The following COL25A1 variants were observed in gnomAD, a reference collection of about 807,000 sequenced individuals.
COL25A1 encodes collagen type XXV alpha 1 chain.
In COL25A1, 103 loss-of-function variants were observed where a neutral mutation model predicts 128.4. The ratio of observed to expected loss-of-function variants is 0.80; its 90% confidence interval spans 0.68 to 0.94. The LOEUF is 0.94. Ranked by LOEUF, COL25A1 falls within the 40% of genes least tolerant of loss-of-function variation. The pLI, the probability that COL25A1 is intolerant of heterozygous loss-of-function variation, is 0.00. For missense variants in COL25A1, 745 were observed against 840.0 expected (o/e 0.89, Z 1.40); for synonymous variants, 279 against 277.2 (o/e 1.01, Z -0.06).
At chr4:108,869,067 G>T in intron 20 of COL25A1, 21 bp downstream of exon 20, 1 of 1,496,642 alleles carries the variant, frequency 6.7e-7, no homozygotes, top group Non-Finnish European at 9.2e-7. Context: ...AAGAAAGAAG[G>T]AAAGAAAGAG....
chr4:109,154,136 T>C (rs943071532), intron 3 of COL25A1, among the ~76,000 whole-genome samples: 4 of 152,258 alleles, frequency 2.6e-5, no homozygotes, highest in African/African-American at 9.6e-5. Flanking sequence ...AAACATCCTT[T>C]ATGATTATCA....
chr4:109,023,728 G>A (rs1248116819), intron 5 of COL25A1, among the ~76,000 whole-genome samples: 3 of 152,152 alleles, frequency 2.0e-5, no homozygotes, highest in South Asian at 2.1e-4. Context: ...ATTCACAAGC[G>A]CTGATGGCAG....
At chr4:109,022,176 T>G (rs760456961) in intron 5 of COL25A1, 1 of 453,736 alleles carries the variant, frequency 2.2e-6, no homozygotes, top group Non-Finnish European at 4.4e-6. Flanking sequence ...CCTGCCGATA[T>G]GTGATGTTGC....
chr4:109,238,134 A>G (rs116036473), intron 3 of COL25A1, among the ~76,000 whole-genome samples: 1,589 of 152,058 alleles, frequency 0.01, 15 homozygotes, highest in African/African-American at 0.027. Flanking sequence ...GTATACAACT[A>G]TCTCTTTGAG....
rs182179919 is a variant in COL25A1 at position 108,988,179 on chromosome 4, G to A, written c.439-13620C>T. 3.2e-3 allele frequency among the ~76,000 whole-genome samples: 487 copies of A among 152,272 alleles called. 1 individual carries two copies. Among genetic ancestry groups the A allele is most frequent in the African/African-American group, 0.011 (461 of 41,558 alleles). On this transcript the variant is annotated intron_variant, in intron 6 of 37. Transcript: ENST00000399132. ...TTACCTCATATGCAAGTTGTAGAAAGTAATTAAAAGAATGCAGGTTTTTCT... is the reference window on the plus strand; with the variant it reads ...TTACCTCATATGCAAGTTGTAGAAAATAATTAAAAGAATGCAGGTTTTTCT...
At chr4:109,205,698 C>T (rs189886845) in intron 3 of COL25A1, among the ~76,000 whole-genome samples, 32 of 152,134 alleles carry the variant, frequency 2.1e-4, no homozygotes, top group Admixed American at 1.1e-3. Flanking sequence ...TTAGACTATC[C>T]GTTACCTCAG....
At chr4:109,091,868 G>A (rs1764937079) in intron 3 of COL25A1, among the ~76,000 whole-genome samples, 2 of 152,126 alleles carry the variant, frequency 1.3e-5, no homozygotes, top group Admixed American at 1.3e-4. Context: ...AAACACACAA[G>A]CGCAGGAGTG....
intron 3 of COL25A1, among the ~76,000 whole-genome samples, chr4:109,200,730 G>A (rs550832341): frequency 3.3e-5 from 5 of 152,136 alleles, no homozygotes; most frequent in Non-Finnish European, 7.3e-5. Context: ...GGGATTACAG[G>A]CGTGAGCCAC....
intron 3 of COL25A1, among the ~76,000 whole-genome samples, chr4:109,177,822 C>T (rs1774239608): frequency 6.6e-6 from 1 of 152,154 alleles, no homozygotes; most frequent in Admixed American, 6.5e-5. Context: ...GTTAAATTTG[C>T]GTTTAGGGGT....
rs192235422 is a variant in COL25A1, at chr4:108,879,136, C to T, written c.1020+5042G>A. ...AGGAATGCCAGAGTAAATGCTTCTG[C>T]CACCTGTAAAAGCTAGTCTTTATAT... On this transcript the variant is annotated intron_variant, in intron 19 of 37. Coordinates refer to ENST00000399132, the MANE Select transcript of COL25A1 (RefSeq NM_198721.4). 4.6e-5 allele frequency among the ~76,000 whole-genome samples: 7 copies of T among 152,252 alleles called. No homozygotes were observed. The East Asian group carries it at 1.4e-3, about 29-fold the overall frequency.
At chr4:109,064,144 C>T (rs1762214610) in intron 3 of COL25A1, among the ~76,000 whole-genome samples, 1 of 152,154 alleles carries the variant, frequency 6.6e-6, no homozygotes, top group African/African-American at 2.4e-5. Flanking sequence ...GTACTATTTA[C>T]ATATATTGGA....
At chr4:108,983,065 A>G (rs1212545977) in intron 6 of COL25A1, among the ~76,000 whole-genome samples, 1 of 152,220 alleles carries the variant, frequency 6.6e-6, no homozygotes, top group East Asian at 1.9e-4. Context: ...CTAACACAAT[A>G]CAAATTAAAT....
chr4:108,888,286 T>C (rs938301168), intron 18 of COL25A1, among the ~76,000 whole-genome samples: 2 of 152,158 alleles, frequency 1.3e-5, no homozygotes, highest in African/African-American at 4.8e-5. Flanking sequence ...ATCTTCAGGT[T>C]CCAAAATACA....
At chr4:109,267,102 T>C (rs1781847182) in intron 3 of COL25A1, among the ~76,000 whole-genome samples, 2 of 152,200 alleles carry the variant, frequency 1.3e-5, no homozygotes, top group Admixed American at 1.3e-4. Flanking sequence ...GCCCTTTCTC[T>C]GGTAGAGAGG....
chr4:109,074,809 A>G (rs1207379469), intron 3 of COL25A1, among the ~76,000 whole-genome samples: 2 of 152,148 alleles, frequency 1.3e-5, no homozygotes, highest in Non-Finnish European at 2.9e-5. Context: ...GTTTTAGCAA[A>G]TTTTTAGTTA....
chr4:109,002,722 CTTTA>C (rs990767976), intron 6 of COL25A1, among the ~76,000 whole-genome samples: 8 of 151,984 alleles, frequency 5.3e-5, no homozygotes, highest in Non-Finnish European at 1.0e-4. Context: ...TATATTCAGT[CTTTA>C]TTTGTCTACT....
chr4:109,074,990 T>C (rs1242588394), intron 3 of COL25A1, among the ~76,000 whole-genome samples: 1 of 152,176 alleles, frequency 6.6e-6, no homozygotes, highest in Non-Finnish European at 1.5e-5. Flanking sequence ...GTATTGCATG[T>C]ATCCCTAACA....
At chr4:109,265,163 G>A (rs1159865431) in intron 3 of COL25A1, among the ~76,000 whole-genome samples, 1 of 152,154 alleles carries the variant, frequency 6.6e-6, no homozygotes, top group African/African-American at 2.4e-5. Flanking sequence ...TGATCATCCA[G>A]TATTTAATTA....
rs574294816 is a variant in COL25A1, at chr4:109,169,918, A to G, written c.368-119739T>C. Among the ~76,000 whole-genome samples the G allele has an allele frequency of 4.6e-5, 7 of 152,250 alleles. No individual in the cohort carries two copies. In the South Asian group the frequency reaches 1.2e-3, roughly 27 times the overall value. ...CACAATTCAATATTTAAAATTCCAT[A>G]CTTACTGAAAACTATATTAGTTCAT... is the stretch of plus-strand genomic sequence containing the variant. On this transcript the variant is annotated intron_variant, in intron 3 of 37. Transcript: ENST00000399132.
Sources: gnomAD v4.1 joint callset for allele counts (sites outside exome capture counted in the v4.1 genomes callset) on GRCh38, gnomAD v4.1.1 for gene constraint, MANE v1.5 for transcripts, NCBI Gene and HGNC (gene_info 2026-07-23, HGNC 2026-07-21) for gene names.